Variants in PDE1A observed in about 807,000 individuals in gnomAD.
PDE1A encodes dual specificity calcium/calmodulin-dependent 3',5'-cyclic nucleotide phosphodiesterase 1A.
In PDE1A, 35 loss-of-function variants were observed where a neutral mutation model predicts 61.7. That is an observed-to-expected ratio of 0.57 (90% CI 0.43 to 0.75). PDE1A has a LOEUF of 0.75. PDE1A is among the 30% of genes least tolerant of loss of function. The pLI is 0.00. For synonymous variants in PDE1A, 232 were observed against 213.2 expected (o/e 1.09, Z -0.77); for missense variants, 597 against 630.6 (o/e 0.95, Z 0.57).
intron 1 of PDE1A, among the ~76,000 whole-genome samples, chr2:182,370,764 A>T (rs1559385794): frequency 2.0e-5 from 3 of 152,186 alleles, no homozygotes; most frequent in Admixed American, 2.0e-4. Flanking sequence ...TTAAAGTTCA[A>T]GATCTCAAAG....
At chr2:182,622,617 T>A in the PDE1A span, among the ~76,000 whole-genome samples, 1 of 152,144 alleles carries the variant, frequency 6.6e-6, no homozygotes, top group Non-Finnish European at 1.5e-5. Flanking sequence ...TGTATATTAA[T>A]TTTACAAATT....
the PDE1A span, among the ~76,000 whole-genome samples, chr2:182,569,753 A>C: frequency 0.06 from 9,092 of 152,292 alleles, 318 homozygotes; most frequent in Middle Eastern, 0.088. Flanking sequence ...TGGAGCTAAC[A>C]ATTAACAATC....
the PDE1A span, among the ~76,000 whole-genome samples, chr2:182,538,226 A>G: frequency 1.3e-5 from 2 of 152,194 alleles, no homozygotes; most frequent in Admixed American, 6.5e-5. Flanking sequence ...GACACTTCCA[A>G]TCACATTTCC....
At chr2:182,449,019 T>C (rs1685323296) in intron 2 of PDE1A, among the ~76,000 whole-genome samples, 3 of 145,202 alleles carry the variant, frequency 2.1e-5, no homozygotes, top group African/African-American at 7.7e-5. Context: ...ATTAACAGAA[T>C]TGTACCACTA....
At position 182,205,942 on chromosome 2, in the gene PDE1A, CCA is replaced by C; in HGVS notation, c.898_899del (p.Trp300GlufsTer9). 6.2e-7 allele frequency: 1 copy of C among 1,606,708 alleles called. No homozygotes were observed. The highest frequency in any genetic ancestry group is 2.2e-5 in the East Asian group (1 of 44,782). On this transcript the variant is annotated frameshift_variant, in exon 8 of 14. Transcript: ENST00000351439. LOFTEE classifies it high-confidence loss of function. ...TCTAGGTTTTCTCTGAAACTCACCT[CCA>C]GTCATCTTTGGATAAATTTATCAAG...
At chr2:182,600,732 T>C in the PDE1A span, among the ~76,000 whole-genome samples, 1 of 152,148 alleles carries the variant, frequency 6.6e-6, no homozygotes, top group South Asian at 2.1e-4. Context: ...TTTGTAAAAA[T>C]ATATACAATG....
the PDE1A span, among the ~76,000 whole-genome samples, chr2:182,689,070 A>T: frequency 0.075 from 11,477 of 152,238 alleles, 1,474 homozygotes; most frequent in African/African-American, 0.26. Context: ...CTCCCACACA[A>T]GAATAATGGG....
the PDE1A span, among the ~76,000 whole-genome samples, chr2:182,569,098 T>A: frequency 6.6e-6 from 1 of 151,794 alleles, no homozygotes; most frequent in South Asian, 2.1e-4. Flanking sequence ...AAAAAAAATT[T>A]TGAAGTTAAC....
At chr2:182,230,262 A>C in intron 5 of PDE1A, 116 bp from the exon 6 acceptor site, 1 of 706,944 alleles carries the variant, frequency 1.4e-6, no homozygotes. Context: ...TAGTTTCTTT[A>C]TGTCAAATGT....
chr2:182,406,035 AT>A (rs2125484586), intron 1 of PDE1A, among the ~76,000 whole-genome samples: 1 of 152,232 alleles, frequency 6.6e-6, no homozygotes, highest in South Asian at 2.1e-4. Flanking sequence ...CCAAAAAAAA[AT>A]AAATTTCCTA....
At chr2:182,189,104 G>T in intron 10 of PDE1A, 44 bp from the exon 11 acceptor site, 1 of 1,313,832 alleles carries the variant, frequency 7.6e-7, no homozygotes, top group Non-Finnish European at 1.1e-6. Context: ...GGTTGGAGAA[G>T]CTAAAATAAT....
At chr2:182,614,821 T>A in the PDE1A span, among the ~76,000 whole-genome samples, 1 of 152,260 alleles carries the variant, frequency 6.6e-6, no homozygotes, top group African/African-American at 2.4e-5. Context: ...CCTCCCAAAG[T>A]GCTGGGATTA....
chr2:182,408,557 T>C (rs965408719), intron 1 of PDE1A, among the ~76,000 whole-genome samples: 1 of 152,172 alleles, frequency 6.6e-6, no homozygotes, highest in Non-Finnish European at 1.5e-5. Flanking sequence ...TTCAGGGTCT[T>C]TGGGCAGTAA....
intron 7 of PDE1A, among the ~76,000 whole-genome samples, chr2:182,214,266 A>G (rs1318874474): frequency 4.6e-5 from 7 of 151,960 alleles, no homozygotes; most frequent in South Asian, 4.1e-4. Flanking sequence ...TGAAGGAAGC[A>G]CTAAACATGG....
chr2:182,519,631 T>C (rs543700269), intron 2 of PDE1A, among the ~76,000 whole-genome samples: 46 of 152,002 alleles, frequency 3.0e-4, no homozygotes, highest in African/African-American at 1.1e-3. Flanking sequence ...GTAGACAGCA[T>C]TGATATTTTA....
At chr2:182,481,516 T>C (rs1687701052) in intron 2 of PDE1A, among the ~76,000 whole-genome samples, 1 of 151,936 alleles carries the variant, frequency 6.6e-6, no homozygotes, top group Admixed American at 6.6e-5. Context: ...AAGGAAAGAA[T>C]TTCCATTAAC....
At chr2:182,345,556 A>T (rs1392542680) in intron 1 of PDE1A, among the ~76,000 whole-genome samples, 1 of 152,152 alleles carries the variant, frequency 6.6e-6, no homozygotes, top group Non-Finnish European at 1.5e-5. Flanking sequence ...GCCTTATCCC[A>T]GTTATTACAG....
chr2:182,666,603 T>G, the PDE1A span, among the ~76,000 whole-genome samples: 13 of 106,976 alleles, frequency 1.2e-4, no homozygotes, highest in Non-Finnish European at 2.1e-4. Context: ...AGTAAAACTC[T>G]GTCTCAAAAA....
chr2:182,691,396 C>G, the PDE1A span, among the ~76,000 whole-genome samples: 2 of 152,206 alleles, frequency 1.3e-5, no homozygotes, highest in East Asian at 1.9e-4. Flanking sequence ...ACCGTCTGAT[C>G]TTTGACAAAC....
Sources: allele counts gnomAD v4.1 joint callset (sites outside exome capture counted in the v4.1 genomes callset), GRCh38; gene constraint gnomAD v4.1.1; transcripts MANE v1.5; gene names NCBI Gene and HGNC (gene_info 2026-07-23, HGNC 2026-07-21).